The following ADAMTSL1 variants were observed in gnomAD, a reference collection of about 807,000 sequenced individuals.
ADAMTSL1 encodes ADAMTS-like protein 1.
ADAMTSL1 carries 126 observed loss-of-function variants against 201.8 expected under a neutral mutation model. The ratio of observed to expected loss-of-function variants is 0.62; its 90% CI spans 0.54 to 0.72. ADAMTSL1 has a LOEUF of 0.72. ADAMTSL1 is among the 30% of genes least tolerant of loss of function. The pLI is 0.00. For missense variants in ADAMTSL1, 2,679 were observed against 2,277.8 expected (o/e 1.18, Z -3.59); for synonymous variants, 1,121 against 903.4 (o/e 1.24, Z -4.32).
intron 2 of ADAMTSL1, among the ~76,000 whole-genome samples, chr9:18,297,021 A>G (rs1019701185): frequency 6.6e-6 from 1 of 152,214 alleles, no homozygotes; most frequent in Non-Finnish European, 1.5e-5. Flanking sequence ...CTGATGTAAT[A>G]AAAAGAGATA....
chr9:18,427,354 G>T (rs1287186008), intron 2 of ADAMTSL1, among the ~76,000 whole-genome samples: 1 of 152,170 alleles, frequency 6.6e-6, no homozygotes, highest in Non-Finnish European at 1.5e-5. Context: ...GATAATTCCT[G>T]TATTTTTGAA....
intron 12 of ADAMTSL1, among the ~76,000 whole-genome samples, chr9:18,683,230 G>GTTTT (rs60751848): frequency 0.27 from 38,017 of 143,224 alleles, 5,261 homozygotes; most frequent in Admixed American, 0.36. Flanking sequence ...GGTTTTTTTT[G>GTTTT]TTTTTTTTTT....
intron 23 of ADAMTSL1, among the ~76,000 whole-genome samples, chr9:18,887,088 G>C (rs759541156): frequency 3.3e-5 from 5 of 152,154 alleles, no homozygotes; most frequent in Admixed American, 1.3e-4. Context: ...TCTGTGGAAG[G>C]TAAGTTGCTG....
intron 5 of ADAMTSL1, among the ~76,000 whole-genome samples, chr9:18,633,313 C>T (rs528400215): frequency 4.6e-5 from 7 of 151,724 alleles, no homozygotes; most frequent in Admixed American, 2.0e-4. Flanking sequence ...CAGTCTCGGC[C>T]GGGTGTGGTG....
rs560098330 is a variant in ADAMTSL1 at position 18,148,075 on chromosome 9, G to C, written c.88-15787G>C. 3.3e-5 allele frequency among the ~76,000 whole-genome samples: 5 copies of C among 152,174 alleles called. No individual in the cohort carries two copies. In the South Asian group the frequency reaches 1.0e-3, roughly 32 times the overall value. Reference sequence around the variant, plus strand: ...AAGCTACATAAATATTTGTTGAAATGACCAAATCTGCTTCATCGATGTAAA... The same window carrying C: ...AAGCTACATAAATATTTGTTGAAATCACCAAATCTGCTTCATCGATGTAAA... On this transcript the variant is annotated intron_variant, in intron 1 of 29. Transcript: ENST00000680146.
chr9:18,313,969 A>T (rs768824232), intron 2 of ADAMTSL1, among the ~76,000 whole-genome samples: 2 of 152,196 alleles, frequency 1.3e-5, no homozygotes, highest in Non-Finnish European at 2.9e-5. Context: ...TAAGGAACTC[A>T]AACAACTTAG....
chr9:18,504,908 C>G lies in ADAMTSL1; in HGVS notation c.143C>G (p.Thr48Ser), dbSNP rs143700051. Residue 48 changes from threonine (T) to serine (S), a missense_variant, in exon 2 of 29, where the codon ACC (threonine) becomes AGC (serine). Physicochemically the swap from Thr to Ser is moderately conservative, Grantham distance 58. Transcript: ENST00000380548. ...GGCCCATGGAGTGAATGCTCACGCACCTGCGGGGGTGGGGCCTCCTACTCT... is the reference window on the plus strand; with the variant it reads ...GGCCCATGGAGTGAATGCTCACGCAGCTGCGGGGGTGGGGCCTCCTACTCT... ...AWGPWSECSR[T>S]CGGGASYSLR... 6.2e-6 allele frequency: 10 copies of G among 1,612,902 alleles called. No individual in the cohort carries two copies. The highest frequency in any genetic ancestry group is 8.5e-6 in the Non-Finnish European group (10 of 1,179,740).
chr9:18,420,259 G>A (rs1261629195), intron 2 of ADAMTSL1, among the ~76,000 whole-genome samples: 1 of 152,170 alleles, frequency 6.6e-6, no homozygotes, highest in African/African-American at 2.4e-5. Flanking sequence ...GGATGAACTG[G>A]AGAGGAGAGT....
chr9:18,249,517 T>C (rs557417067), intron 2 of ADAMTSL1, among the ~76,000 whole-genome samples: 1 of 152,318 alleles, frequency 6.6e-6, no homozygotes, highest in Non-Finnish European at 1.5e-5. Flanking sequence ...TAACAAATCT[T>C]ACTATTTACC....
chr9:18,164,309 A>G (rs1031042774), intron 2 of ADAMTSL1, among the ~76,000 whole-genome samples: 2 of 151,936 alleles, frequency 1.3e-5, no homozygotes, highest in Admixed American at 6.6e-5. Flanking sequence ...GTGAAGGAAT[A>G]AGGAGATTTA....
chr9:18,323,819 A>G (rs916199569), intron 2 of ADAMTSL1, among the ~76,000 whole-genome samples: 3 of 152,228 alleles, frequency 2.0e-5, no homozygotes, highest in African/African-American at 7.2e-5. Context: ...GACTGCTTTG[A>G]GAAATCAAAT....
intron 4 of ADAMTSL1, among the ~76,000 whole-genome samples, chr9:18,602,966 A>C (rs1564082263): frequency 6.6e-6 from 1 of 152,192 alleles, no homozygotes; most frequent in African/African-American, 2.4e-5. Context: ...TCAATAGGCA[A>C]CTTCTAAGAG....
intron 10 of ADAMTSL1, 99 bp downstream of exon 10, chr9:18,676,006 A>T: frequency 8.4e-7 from 1 of 1,185,666 alleles, no homozygotes; most frequent in Non-Finnish European, 1.2e-6. Flanking sequence ...GAGAGAGATT[A>T]TATGTTTTTA....
In ADAMTSL1 at chr9:18,293,507, C is replaced by T. The variant is rs556281870; in HGVS notation, c.207+129526C>T. Among the ~76,000 whole-genome samples, 107 of 152,296 alleles carry T rather than the reference C, an allele frequency of 7.0e-4. No individual in the cohort carries two copies. The South Asian group carries it at 0.021, about 29-fold the overall frequency. ...GCCAGTGCCGTGGGCCTGCTGGTAG[C>T]ACAGGCCCTGGGTGCCAAGCTCAGC... On this transcript the variant is annotated intron_variant, in intron 2 of 29. Transcript: ENST00000680146.
intron 14 of ADAMTSL1, among the ~76,000 whole-genome samples, chr9:18,714,097 G>C (rs2133376258): frequency 6.6e-6 from 1 of 152,266 alleles, no homozygotes; most frequent in South Asian, 2.1e-4. Flanking sequence ...CACATTCAAG[G>C]CAGTGTGTAG....
chr9:18,466,839 C>A (rs1219407336), intron 2 of ADAMTSL1, among the ~76,000 whole-genome samples: 1 of 152,030 alleles, frequency 6.6e-6, no homozygotes, highest in Non-Finnish European at 1.5e-5. Context: ...AAATTGAAGA[C>A]CATACAGTGA....
At chr9:18,846,934 C>A (rs773740651) in intron 23 of ADAMTSL1, among the ~76,000 whole-genome samples, 1 of 152,130 alleles carries the variant, frequency 6.6e-6, no homozygotes, top group East Asian at 1.9e-4. Flanking sequence ...GTGGTGGTGA[C>A]ACATCCCAGA....
chr9:18,609,333 A>G (rs1468799573), intron 4 of ADAMTSL1, among the ~76,000 whole-genome samples: 2 of 152,060 alleles, frequency 1.3e-5, no homozygotes, highest in African/African-American at 4.8e-5. Flanking sequence ...TCAGAAAAGT[A>G]TTTTTCATTT....
chr9:18,796,861 C>G (rs1237061143), intron 20 of ADAMTSL1: 1 of 152,252 alleles, frequency 6.6e-6, no homozygotes, highest in African/African-American at 2.4e-5. Context: ...CTCCAACCTG[C>G]TTTAGCAAGG....
Sources: allele counts gnomAD v4.1 joint callset (sites outside exome capture counted in the v4.1 genomes callset), GRCh38; gene constraint gnomAD v4.1.1; transcripts MANE v1.5; gene names NCBI Gene and HGNC (gene_info 2026-07-23, HGNC 2026-07-21).